The following FAM228B variants were observed in gnomAD, a reference collection of about 807,000 sequenced individuals.
FAM228B encodes protein FAM228B.
A neutral mutation model predicts 42.6 loss-of-function variants in FAM228B; 38 were observed. The observed-to-expected ratio is 0.89, with a 90% CI of 0.69 to 1.17. The LOEUF (loss-of-function observed/expected upper bound fraction) is 1.17. FAM228B is among the 50% of genes most tolerant of loss of function. The probability of loss-of-function intolerance (pLI) is 0.00; values close to 1 mark genes in which losing one functional copy is unlikely to be tolerated. For synonymous variants in FAM228B, 109 were observed against 122.3 expected (o/e 0.89, Z 0.72); for missense variants, 344 against 367.3 (o/e 0.94, Z 0.52).
At chr2:24,100,312 A>G (rs187780057) in intron 3 of FAM228B, among the ~76,000 whole-genome samples, 2 of 152,326 alleles carry the variant, frequency 1.3e-5, no homozygotes, top group East Asian at 1.9e-4. Context: ...AAAAGAAACT[A>G]CCATCAGAGT....
At chr2:24,122,420 T>C (rs562655250), upstream of FAM228B, 16 of 1,608,036 alleles carry the variant, frequency 1.0e-5, no homozygotes, top group East Asian at 2.2e-5. Context: ...TTTTCTTACA[T>C]TGAAACCTGG....
At chr2:24,120,888 T>A (rs955422770), upstream of FAM228B, among the ~76,000 whole-genome samples, 2 of 147,636 alleles carry the variant, frequency 1.4e-5, no homozygotes, top group Admixed American at 6.7e-5. Context: ...TTTTTTTTTT[T>A]AAAGGAGGAT....
At chr2:24,168,523 G>GT (rs1667484121) in intron 10 of FAM228B, among the ~76,000 whole-genome samples, 1 of 152,224 alleles carries the variant, frequency 6.6e-6, no homozygotes. Flanking sequence ...CATCAGAGAG[G>GT]TTAAGTGGAG....
chr2:24,100,872 A>T (rs1270719609), intron 3 of FAM228B, among the ~76,000 whole-genome samples: 1 of 152,272 alleles, frequency 6.6e-6, no homozygotes, highest in Non-Finnish European at 1.5e-5. Flanking sequence ...CCAAATGTCC[A>T]TCAATGATAG....
chr2:24,124,731 T>C (rs1666262026), intron 2 of FAM228B, among the ~76,000 whole-genome samples: 2 of 152,188 alleles, frequency 1.3e-5, no homozygotes, highest in Admixed American at 6.5e-5. Flanking sequence ...ATCACCCAAA[T>C]TTTGATATGA....
chr2:24,111,039 T>G (rs1665783922), intron 3 of FAM228B, among the ~76,000 whole-genome samples: 1 of 152,126 alleles, frequency 6.6e-6, no homozygotes, highest in Admixed American at 6.5e-5. Flanking sequence ...TTTACTCCAG[T>G]GACTCTTATC....
At chr2:24,138,981 A>T (rs1666673460) in intron 4 of FAM228B, among the ~76,000 whole-genome samples, 1 of 152,008 alleles carries the variant, frequency 6.6e-6, no homozygotes, top group African/African-American at 2.4e-5. Flanking sequence ...AAAATAAATA[A>T]TTTGGACTCT....
intron 2 of FAM228B, among the ~76,000 whole-genome samples, chr2:24,092,873 T>C (rs1307118327): frequency 6.7e-6 from 1 of 149,732 alleles, no homozygotes. Context: ...CAGAGTAAAA[T>C]TATGGTAAAA....
chr2:24,162,978 A>G lies in FAM228B; in HGVS notation c.795-1220A>G, dbSNP rs559752971. Reference sequence around the variant, plus strand: ...TTGGGGTTAATGAAAATGTTCTAAAATAAGATTGTCGTGGTGGTTGCACAA... The same window carrying G: ...TTGGGGTTAATGAAAATGTTCTAAAGTAAGATTGTCGTGGTGGTTGCACAA... On this transcript the variant is annotated intron_variant, in intron 8 of 10. Transcript: ENST00000615575. 2.0e-5 allele frequency among the ~76,000 whole-genome samples: 3 copies of G among 152,318 alleles called. No homozygotes were observed. The East Asian group carries it at 5.8e-4, about 29-fold the overall frequency.
Position 24,123,523 on chromosome 2 carries a change from T to C in FAM228B, c.-43T>C, listed in dbSNP as rs1666198029. On this transcript the variant is annotated 5_prime_UTR_variant, in exon 1 of 11. Transcript: ENST00000615575. ...GGCGGAGTGCTCGCGCGGCGCTGCGTCCGGGAGACGGTGGGCGCCAACATT... is the reference window on the plus strand; with the variant it reads ...GGCGGAGTGCTCGCGCGGCGCTGCGCCCGGGAGACGGTGGGCGCCAACATT... 6.6e-6 allele frequency: 1 copy of C among 152,116 alleles called. No homozygotes were observed. Among genetic ancestry groups the C allele is most frequent in the Non-Finnish European group, 1.5e-5 (1 of 68,008 alleles). 9.4% of individuals were successfully genotyped at this position (152,116 alleles called of 1,614,324 possible).
At position 24,080,777 on chromosome 2, in the gene FAM228B, C is replaced by A; in HGVS notation, c.-289-99C>A. ...GAGACTGGTGGGGCTTTTATTTAAT[C>A]ATCTCTTAAATTCCTGCTGAACTGT... On this transcript the variant is annotated intron_variant, in intron 1 of 10. Coordinates refer to the FAM228B transcript ENST00000613899. The surrounding 1 kb of genome is among the most constrained non-coding windows in gnomAD (Gnocchi z 4.7). 1 of 1,607,956 alleles carries A rather than the reference C, an allele frequency of 6.2e-7. No homozygotes were observed. Among genetic ancestry groups the A allele is most frequent in the Non-Finnish European group, 8.5e-7 (1 of 1,175,130 alleles).
At chr2:24,119,961 C>A (rs1384203684), upstream of FAM228B, among the ~76,000 whole-genome samples, 4 of 152,082 alleles carry the variant, frequency 2.6e-5, no homozygotes, top group Non-Finnish European at 4.4e-5. Context: ...ATCATATACC[C>A]CATCCCAATT....
At chr2:24,097,141 G>A (rs1475648268) in intron 3 of FAM228B, 1 of 152,102 alleles carries the variant, frequency 6.6e-6, no homozygotes, top group Non-Finnish European at 1.5e-5. Context: ...AACATGGAAA[G>A]GAACAACTGG....
At chr2:24,164,946 G>C (rs911195155) in intron 9 of FAM228B, among the ~76,000 whole-genome samples, 1 of 152,036 alleles carries the variant, frequency 6.6e-6, no homozygotes, top group African/African-American at 2.4e-5. Context: ...CCTGTGACTG[G>C]TGGAAAGGAT....
In FAM228B at chr2:24,084,430, T is replaced by C; in HGVS notation, c.-210+3475T>C. 1 of 1,364,062 alleles carries C rather than the reference T, an allele frequency of 7.3e-7. No individual in the cohort carries two copies. The highest frequency in any genetic ancestry group is 9.6e-7 in the Non-Finnish European group (1 of 1,037,476). The allele number at this position is 1,364,062 out of a possible 1,614,324, so 84.5% of individuals were successfully genotyped here. A position where few individuals can be genotyped will look rare whatever the true frequency, so the allele number is the denominator to read the frequency against. On this transcript the variant is annotated intron_variant, in intron 2 of 10. Coordinates refer to the FAM228B transcript ENST00000613899. This position sits in a 1 kb window ranked among gnomAD's most constrained non-coding sequence, Gnocchi z 8.4. ...ACAGGACAGGGCAGGGGCCGCTGTA[T>C]CCTCGCGGAGCAGCCCAGCCTCAGG... is the stretch of plus-strand genomic sequence containing the variant.
intron 2 of FAM228B, among the ~76,000 whole-genome samples, chr2:24,093,130 ATTTTT>A (rs1665425250): frequency 6.6e-6 from 1 of 151,928 alleles, no homozygotes; most frequent in Admixed American, 6.6e-5. Flanking sequence ...CTCACTTTTT[ATTTTT>A]ATTTTTATTT....
intron 2 of FAM228B, among the ~76,000 whole-genome samples, chr2:24,088,817 G>C (rs1665319868): frequency 6.6e-6 from 1 of 152,200 alleles, no homozygotes; most frequent in African/African-American, 2.4e-5. Flanking sequence ...CATCTTTAAT[G>C]GGGGCAACCT....
At chr2:24,118,464 A>C (rs1490747496) in intron 3 of FAM228B, among the ~76,000 whole-genome samples, 1 of 152,248 alleles carries the variant, frequency 6.6e-6, no homozygotes, top group Non-Finnish European at 1.5e-5. Context: ...ACATGTACTA[A>C]TTGCCTACCC....
intron 3 of FAM228B, among the ~76,000 whole-genome samples, chr2:24,113,436 G>A (rs530636661): frequency 6.6e-6 from 1 of 152,048 alleles, no homozygotes; most frequent in Non-Finnish European, 1.5e-5. Flanking sequence ...AGCTGCACGT[G>A]GCATGTGCCT....
Sources: gnomAD v4.1 joint callset for allele counts (sites outside exome capture counted in the v4.1 genomes callset) on GRCh38, gnomAD v4.1.1 for gene constraint, Gnocchi (gnomAD v3.1) non-coding constraint, MANE v1.5 for transcripts, NCBI Gene and HGNC (gene_info 2026-07-23, HGNC 2026-07-21) for gene names.